Variants in CDK14 observed in about 807,000 individuals in gnomAD.
CDK14 encodes the protein cyclin dependent kinase 14.
CDK14 carries 34 observed loss-of-function variants against 60.7 expected under a neutral mutation model. That is an observed-to-expected ratio of 0.56 (90% CI 0.43 to 0.75). The LOEUF (loss-of-function observed/expected upper bound fraction) is 0.75, where lower values mean the gene tolerates loss of function less well. Among genes scored for constraint, CDK14 ranks in the 30% least tolerant of loss-of-function variants. The probability of loss-of-function intolerance (pLI) is 0.00; values close to 1 mark genes in which losing one functional copy is unlikely to be tolerated. For synonymous variants in CDK14, 197 were observed against 203.7 expected (o/e 0.97, Z 0.28); for missense variants, 482 against 564.1 (o/e 0.85, Z 1.47).
chr7:90,601,853 A>G (rs1368932213), intron 1 of CDK14, among the ~76,000 whole-genome samples: 1 of 151,528 alleles, frequency 6.6e-6, no homozygotes. Context: ...CCCAGGCTCA[A>G]GTGATCCTCC....
intron 14 of CDK14, among the ~76,000 whole-genome samples, chr7:91,165,045 G>A (rs558596952): frequency 2.6e-5 from 4 of 152,316 alleles, no homozygotes; most frequent in African/African-American, 9.6e-5. Context: ...GGACAGTAGG[G>A]AAAGAAAGGT....
chr7:90,898,437 T>A (rs1443544736), intron 6 of CDK14, among the ~76,000 whole-genome samples: 1 of 152,150 alleles, frequency 6.6e-6, no homozygotes, highest in Non-Finnish European at 1.5e-5. Flanking sequence ...ATAAAACTTG[T>A]ACTTCCTCAG....
intron 14 of CDK14, among the ~76,000 whole-genome samples, chr7:91,183,855 G>A (rs1463596736): frequency 6.6e-6 from 1 of 151,986 alleles, no homozygotes; most frequent in Non-Finnish European, 1.5e-5. Flanking sequence ...CAAATTTATT[G>A]AACACCTGGC....
At chr7:90,890,154 C>T (rs1428640784) in intron 6 of CDK14, among the ~76,000 whole-genome samples, 4 of 152,238 alleles carry the variant, frequency 2.6e-5, no homozygotes, top group Admixed American at 2.6e-4. Context: ...GGAAGGATCA[C>T]CTAAGACCAA....
At chr7:90,753,340 A>G (rs1444117001) in intron 4 of CDK14, among the ~76,000 whole-genome samples, 3 of 152,326 alleles carry the variant, frequency 2.0e-5, no homozygotes, top group Non-Finnish European at 2.9e-5. Flanking sequence ...AGAATTCACA[A>G]ATCGATACAT....
chr7:90,658,846 CTA>C (rs1012681400), intron 2 of CDK14, among the ~76,000 whole-genome samples: 1 of 152,010 alleles, frequency 6.6e-6, no homozygotes, highest in African/African-American at 2.4e-5. Flanking sequence ...CATATGGTAA[CTA>C]TGATATGTTT....
intron 6 of CDK14, among the ~76,000 whole-genome samples, chr7:90,866,072 T>C (rs1791169474): frequency 6.6e-6 from 1 of 152,136 alleles, no homozygotes; most frequent in Admixed American, 6.6e-5. Context: ...TGAAACTGCT[T>C]TATAGTTTGA....
chr7:90,848,692 T>G (rs915693636), intron 5 of CDK14, among the ~76,000 whole-genome samples: 1 of 152,162 alleles, frequency 6.6e-6, no homozygotes, highest in Admixed American at 6.6e-5. Flanking sequence ...CACATTAGTC[T>G]TATCTGAAAA....
intron 10 of CDK14, among the ~76,000 whole-genome samples, chr7:91,022,392 A>C (rs1187722154): frequency 6.7e-6 from 1 of 149,498 alleles, no homozygotes; most frequent in Non-Finnish European, 1.5e-5. Context: ...GGTTTCTATC[A>C]ACTAAATGCC....
chr7:90,754,239 G>C lies in CDK14; in HGVS notation c.464+6464G>C, dbSNP rs533290719. Among the ~76,000 whole-genome samples the C allele has an allele frequency of 4.6e-5, 7 of 152,232 alleles. No homozygotes were observed. In the South Asian group the frequency reaches 1.5e-3, roughly 32 times the overall value. On this transcript the variant is annotated intron_variant, in intron 4 of 14. Transcript: ENST00000380050. ...ACCTGAATTCAAACTATATTATAAGGCTACAGTAACTGAAACAGCATGATA... is the reference window on the plus strand; with the variant it reads ...ACCTGAATTCAAACTATATTATAAGCCTACAGTAACTGAAACAGCATGATA...
At chr7:90,635,973 T>C (rs1262290338) in intron 2 of CDK14, among the ~76,000 whole-genome samples, 3 of 151,958 alleles carry the variant, frequency 2.0e-5, no homozygotes, top group South Asian at 2.1e-4. Context: ...GTGATTTTTG[T>C]ACATTGATTT....
intron 3 of CDK14, among the ~76,000 whole-genome samples, chr7:90,730,033 G>A (rs911124454): frequency 6.6e-6 from 1 of 151,840 alleles, no homozygotes; most frequent in Admixed American, 6.6e-5. Context: ...TAGCCCTGGT[G>A]TATGATGTTC....
intron 6 of CDK14, among the ~76,000 whole-genome samples, chr7:90,895,323 C>CT (rs1370373741): frequency 6.6e-4 from 46 of 69,218 alleles, no homozygotes; most frequent in East Asian, 2.4e-3. Context: ...CTTCTTTCCT[C>CT]TCCTTTCCTC....
At chr7:90,807,067 C>T (rs898377974) in intron 5 of CDK14, among the ~76,000 whole-genome samples, 7 of 152,208 alleles carry the variant, frequency 4.6e-5, no homozygotes, top group African/African-American at 1.7e-4. Context: ...CAAAAGGCAG[C>T]AGAAACCTCT....
At chr7:90,887,057 A>G (rs1357624447) in intron 6 of CDK14, among the ~76,000 whole-genome samples, 2 of 152,156 alleles carry the variant, frequency 1.3e-5, no homozygotes, top group Non-Finnish European at 2.9e-5. Flanking sequence ...AGTACTCCAG[A>G]TAGAAAAATT....
intron 14 of CDK14, among the ~76,000 whole-genome samples, chr7:91,176,291 C>T (rs958555521): frequency 6.6e-6 from 1 of 152,200 alleles, no homozygotes; most frequent in African/African-American, 2.4e-5. Flanking sequence ...ACCAGAATCT[C>T]TGGGACGCAT....
intron 10 of CDK14, among the ~76,000 whole-genome samples, chr7:91,034,170 A>C (rs1205234861): frequency 6.6e-6 from 1 of 152,116 alleles, no homozygotes; most frequent in Non-Finnish European, 1.5e-5. Context: ...TTTTAAAAAA[A>C]TCTCTGAACT....
At chr7:90,712,129 G>T (rs1802085941) in intron 2 of CDK14, among the ~76,000 whole-genome samples, 1 of 149,858 alleles carries the variant, frequency 6.7e-6, no homozygotes, top group Non-Finnish European at 1.5e-5. Flanking sequence ...ATTTTTTATT[G>T]TGGTGAAATA....
chr7:91,056,682 G>C (rs1259375554), intron 11 of CDK14, among the ~76,000 whole-genome samples: 2 of 151,888 alleles, frequency 1.3e-5, no homozygotes, highest in Admixed American at 6.6e-5. Context: ...CTTTGCGATA[G>C]TTTGCTGAGA....
Sources: gnomAD v4.1 joint callset for allele counts (sites outside exome capture counted in the v4.1 genomes callset) on GRCh38, gnomAD v4.1.1 for gene constraint, MANE v1.5 for transcripts, NCBI Gene and HGNC (gene_info 2026-07-23, HGNC 2026-07-21) for gene names.